The following CRPPA variants were observed in gnomAD, a reference collection of about 807,000 sequenced individuals.
CRPPA encodes CDP-L-ribitol pyrophosphorylase A.
A neutral mutation model predicts 52.0 loss-of-function variants in CRPPA; 43 were observed. That is an observed-to-expected ratio of 0.83 (90% CI 0.65 to 1.07). The LOEUF (loss-of-function observed/expected upper bound fraction) is 1.07. Among genes scored for constraint, CRPPA ranks in the 50% least tolerant of loss-of-function variants. CRPPA has a pLI of 0.00. For synonymous variants in CRPPA, 250 were observed against 203.5 expected (o/e 1.23, Z -1.94); for missense variants, 629 against 551.7 (o/e 1.14, Z -1.40).
At chr7:16,310,634 C>A (rs1785014752) in intron 3 of CRPPA, among the ~76,000 whole-genome samples, 1 of 151,472 alleles carries the variant, frequency 6.6e-6, no homozygotes, top group Admixed American at 6.6e-5. Flanking sequence ...AGTCAAATAC[C>A]CAAATAAAAA....
At chr7:16,310,521 T>A (rs970539249) in intron 3 of CRPPA, among the ~76,000 whole-genome samples, 6 of 152,152 alleles carry the variant, frequency 3.9e-5, no homozygotes, top group African/African-American at 1.4e-4. Context: ...TGCAATTTTT[T>A]AAAAACTATT....
At chr7:16,361,082 T>C (rs1333407734) in intron 3 of CRPPA, among the ~76,000 whole-genome samples, 1 of 152,102 alleles carries the variant, frequency 6.6e-6, no homozygotes, top group Non-Finnish European at 1.5e-5. Context: ...AGAAGATATA[T>C]AAAAATGGCC....
chr7:16,118,181 GAA>G (rs1229684646), intron 9 of CRPPA, among the ~76,000 whole-genome samples: 1 of 152,132 alleles, frequency 6.6e-6, no homozygotes, highest in Non-Finnish European at 1.5e-5. Context: ...ATTGGTCTCT[GAA>G]TCCAGCCAAT....
chr7:16,121,090 GA>G (rs544271410), intron 9 of CRPPA, among the ~76,000 whole-genome samples: 121 of 152,120 alleles, frequency 8.0e-4, no homozygotes, highest in Middle Eastern at 3.4e-3. Context: ...AATAAAATTT[GA>G]ATAACTTGTC....
At chr7:16,105,359 C>A (rs1473958858) in intron 9 of CRPPA, among the ~76,000 whole-genome samples, 1 of 152,202 alleles carries the variant, frequency 6.6e-6, no homozygotes, top group African/African-American at 2.4e-5. Context: ...TCTAAGATGG[C>A]ACAATGCCAG....
At chr7:16,209,634 AAAAG>A (rs1203781442) in intron 9 of CRPPA, among the ~76,000 whole-genome samples, 1 of 152,166 alleles carries the variant, frequency 6.6e-6, no homozygotes, top group Non-Finnish European at 1.5e-5. Flanking sequence ...TTCACACAAA[AAAAG>A]AAAGATTCAC....
intron 9 of CRPPA, among the ~76,000 whole-genome samples, chr7:16,159,869 T>A (rs1008803883): frequency 1.3e-5 from 2 of 152,190 alleles, no homozygotes; most frequent in African/African-American, 4.8e-5. Context: ...CTCCAGGATT[T>A]GTTGTTTCCT....
Position 16,148,084 on chromosome 7 carries a change from A to G in CRPPA, c.1252-56285T>C, listed in dbSNP as rs1448252964. ...TGCCTCATACAGCTGTTATTTATAT[A>G]CATACCTTATTTCTCCCAATGTAAT... On this transcript the variant is annotated intron_variant, in intron 9 of 9. Transcript: ENST00000407010. 2.0e-5 allele frequency among the ~76,000 whole-genome samples: 3 copies of G among 152,290 alleles called. No individual in the cohort carries two copies. The East Asian group carries it at 5.8e-4, about 29-fold the overall frequency.
At chr7:16,125,515 G>C (rs902912696) in intron 9 of CRPPA, among the ~76,000 whole-genome samples, 5 of 151,972 alleles carry the variant, frequency 3.3e-5, no homozygotes, top group East Asian at 3.9e-4. Context: ...GTCAACTAGA[G>C]AGTAATCACC....
At chr7:16,311,507 A>G (rs1194972667) in intron 3 of CRPPA, among the ~76,000 whole-genome samples, 1 of 152,038 alleles carries the variant, frequency 6.6e-6, no homozygotes, top group Non-Finnish European at 1.5e-5. Flanking sequence ...CTTTATAGCT[A>G]ATTTCTTTTT....
At chr7:16,231,617 C>T (rs1200533164) in intron 8 of CRPPA, among the ~76,000 whole-genome samples, 1 of 152,124 alleles carries the variant, frequency 6.6e-6, no homozygotes, top group Non-Finnish European at 1.5e-5. Flanking sequence ...ATTACACAGT[C>T]TAAGCTAAAA....
intron 9 of CRPPA, among the ~76,000 whole-genome samples, chr7:16,215,206 T>C: frequency 6.6e-6 from 1 of 152,250 alleles, no homozygotes; most frequent in East Asian, 1.9e-4. Flanking sequence ...TGTCATTCAC[T>C]GGACATTCAG....
At position 16,216,062 on chromosome 7, in the gene CRPPA, C is replaced by G; in HGVS notation, c.1251+4G>C. The G allele has an allele frequency of 6.4e-7, 1 of 1,574,724 alleles. No individual in the cohort carries two copies. Among genetic ancestry groups the G allele is most frequent in the Non-Finnish European group, 8.6e-7 (1 of 1,162,794 alleles). ...TACATTCGGAAGATAAACATTTTACCTACCTGTGGGTAAGATATGAGAAGC... is the reference window on the plus strand; with the variant it reads ...TACATTCGGAAGATAAACATTTTACGTACCTGTGGGTAAGATATGAGAAGC... On this transcript the variant is annotated splice_donor_region_variant and intron_variant, in intron 9 of 9. Transcript: ENST00000407010.
At position 16,203,045 on chromosome 7, in the gene CRPPA, A is replaced by G. The variant is rs79400093; in HGVS notation, c.1251+13021T>C. On this transcript the variant is annotated intron_variant, in intron 9 of 9. Coordinates refer to ENST00000407010, the MANE Select transcript of CRPPA (RefSeq NM_001101426.4). ...CAGTATATTTCACAAGTGGTTAAAA[A>G]TAACTAGGTTGGTAATATTTTAAGG... Among the ~76,000 whole-genome samples, 1,603 of 152,306 alleles carry G rather than the reference A, an allele frequency of 0.011. 152 individuals carry two copies. The East Asian group carries it at 0.23, about 22-fold the overall frequency.
chr7:16,185,212 C>A (rs1301345691), intron 9 of CRPPA, among the ~76,000 whole-genome samples: 1 of 152,188 alleles, frequency 6.6e-6, no homozygotes, highest in Non-Finnish European at 1.5e-5. Flanking sequence ...TCACACATGG[C>A]AGCAGACAAG....
intron 9 of CRPPA, among the ~76,000 whole-genome samples, chr7:16,114,805 T>G (rs1259056215): frequency 6.6e-6 from 1 of 152,110 alleles, no homozygotes. Context: ...GAAGCCAGAT[T>G]CTGCTACAGT....
At chr7:16,095,045 A>C (rs940957411) in intron 9 of CRPPA, among the ~76,000 whole-genome samples, 10 of 152,204 alleles carry the variant, frequency 6.6e-5, no homozygotes, top group Non-Finnish European at 1.3e-4. Context: ...AACACATATT[A>C]ATAATGGGAG....
At chr7:16,148,690 C>T (rs1041034159) in intron 9 of CRPPA, among the ~76,000 whole-genome samples, 21 of 152,128 alleles carry the variant, frequency 1.4e-4, no homozygotes, top group African/African-American at 5.1e-4. Context: ...AAAATTACAA[C>T]TAGATGGGAG....
chr7:16,348,458 T>C (rs1486023519), intron 3 of CRPPA, among the ~76,000 whole-genome samples: 2 of 152,170 alleles, frequency 1.3e-5, no homozygotes, highest in African/African-American at 4.8e-5. Context: ...ACACACATTC[T>C]GTGCCTAATT....
Sources: allele counts gnomAD v4.1 joint callset (sites outside exome capture counted in the v4.1 genomes callset), GRCh38; gene constraint gnomAD v4.1.1; transcripts MANE v1.5; gene names NCBI Gene and HGNC (gene_info 2026-07-23, HGNC 2026-07-21).